The following SLFN13 variants were observed in gnomAD, a reference collection of about 807,000 sequenced individuals.
The protein encoded by SLFN13 is schlafen family member 13.
In SLFN13, 43 loss-of-function variants were observed where a neutral mutation model predicts 50.6. The ratio of observed to expected loss-of-function variants is 0.85; its 90% CI spans 0.67 to 1.09. The LOEUF is 1.09. Among genes scored for constraint, SLFN13 ranks in the 50% least tolerant of loss-of-function variants. The probability of loss-of-function intolerance (pLI) is 0.00; values close to 1 mark genes in which losing one functional copy is unlikely to be tolerated. For missense variants in SLFN13, 881 were observed against 1,071.1 expected (o/e 0.82, Z 2.48); for synonymous variants, 339 against 386.5 (o/e 0.88, Z 1.44).
intron 2 of SLFN13, chr17:35,447,039 G>C (rs952293784): frequency 2.0e-5 from 3 of 152,082 alleles, no homozygotes; most frequent in Non-Finnish European, 4.4e-5. Context: ...GTTTTTCATT[G>C]GTAACTGTAT....
In SLFN13 at chr17:35,437,167, T is replaced by G. The variant is rs1396241528; in HGVS notation, c.*3428A>C. On this transcript the variant is annotated 3_prime_UTR_variant, in exon 6 of 6. Transcript: ENST00000285013. ...GGACTCTGGGCACACTGACATTTAATAACTAATTTTAAACTTTTGATTGTT... is the reference window on the plus strand; with the variant it reads ...GGACTCTGGGCACACTGACATTTAAGAACTAATTTTAAACTTTTGATTGTT... 2.0e-5 allele frequency: 3 copies of G among 152,142 alleles called. No homozygotes were observed. Among genetic ancestry groups the G allele is most frequent in the Non-Finnish European group, 4.4e-5 (3 of 68,040 alleles). 9.4% of individuals were successfully genotyped at this position (152,142 alleles called of 1,614,324 possible). A position where few individuals can be genotyped will look rare whatever the true frequency, so the allele number is the denominator to read the frequency against.
intron 2 of SLFN13, among the ~76,000 whole-genome samples, chr17:35,446,536 A>G (rs545324150): frequency 2.3e-4 from 35 of 152,330 alleles, no homozygotes; most frequent in African/African-American, 7.9e-4. Flanking sequence ...TTACTATAAA[A>G]CATGGTGCAG....
rs539809635 is a variant in SLFN13 at position 35,440,561 on chromosome 17, G to A, written c.*34C>T. ...ACTGTCACCCATAGACATTTACACA[G>A]TATTTTGGTTTGGAGTTCTTCCTAA... is the stretch of plus-strand genomic sequence containing the variant. On this transcript the variant is annotated 3_prime_UTR_variant, in exon 6 of 6. Coordinates refer to ENST00000285013, the MANE Select transcript of SLFN13 (RefSeq NM_144682.6). 822 of 1,608,430 alleles carry A rather than the reference G, an allele frequency of 5.1e-4. 17 individuals carry two copies. The South Asian group carries it at 8.5e-3, about 17-fold the overall frequency.
chr17:35,442,170 C>T lies in SLFN13; in HGVS notation c.1315G>A (p.Val439Met), dbSNP rs757507429. 3.7e-6 allele frequency: 6 copies of T among 1,614,202 alleles called. No individual in the cohort carries two copies. Among genetic ancestry groups the T allele is most frequent in the South Asian group, 1.1e-5 (1 of 91,084 alleles). The stretch of plus-strand genomic sequence containing the variant: ...ACAGCCCAGCTTCTAGAGAGGATCA[C>T]AATTCCCTGGGAGAAAGGTCGCATT... Reference protein sequence around the residue: ...KQMRPFSQGIVILSRSWAVDL... With the variant: ...KQMRPFSQGIMILSRSWAVDL... The change falls in exon 5 of 6, where the codon GTG (valine) becomes ATG (methionine). Residue 439 changes from valine (V) to methionine (M), a missense_variant. Coordinates refer to ENST00000285013, the MANE Select transcript of SLFN13 (RefSeq NM_144682.6).
In SLFN13 at chr17:35,438,932, G is replaced by A. The variant is rs558349546; in HGVS notation, c.*1663C>T. 4.6e-5 allele frequency: 7 copies of A among 152,026 alleles called. No individual in the cohort carries two copies. Among genetic ancestry groups the A allele is most frequent in the Non-Finnish European group, 8.8e-5 (6 of 67,990 alleles). The allele number at this position is 152,026 out of a possible 1,614,324, so 9.4% of individuals were successfully genotyped here. A position where few individuals can be genotyped will look rare whatever the true frequency, so the allele number is the denominator to read the frequency against. ...TATCAGTGTTTTTAGTTTGATGAATGATCATACAGCTGTGTTCTCAGGCTG... is the reference window on the plus strand; with the variant it reads ...TATCAGTGTTTTTAGTTTGATGAATAATCATACAGCTGTGTTCTCAGGCTG... On this transcript the variant is annotated 3_prime_UTR_variant, in exon 6 of 6. Transcript: ENST00000285013.
Position 35,440,758 on chromosome 17 carries a change from A to G in SLFN13, c.2531T>C (p.Met844Thr), listed in dbSNP as rs1265804796. Residue 844 changes from methionine (M) to threonine (T), a missense_variant, in exon 6 of 6, where the codon ATG becomes ACG. By Grantham distance (81) the Met-to-Thr change is moderately conservative. This residue lies in a region of SLFN13 where 322 missense variants were observed against 327.4 expected (regional missense o/e 0.98). Transcript: ENST00000285013. ...GTCCAACACAATGTGCACACCCAACATATCACATGCATCACTGAGCTGCAC... is the reference window on the plus strand; with the variant it reads ...GTCCAACACAATGTGCACACCCAACGTATCACATGCATCACTGAGCTGCAC... The part of the protein sequence containing the change: ...MVVQLSDACD[M>T]LGVHIVLDSV... The G allele has an allele frequency of 2.0e-5, 32 of 1,613,904 alleles. No individual in the cohort carries two copies. Among genetic ancestry groups the G allele is most frequent in the Admixed American group, 3.3e-5 (2 of 59,984 alleles).
Position 35,440,933 on chromosome 17 carries a change from C to A in SLFN13, c.2356G>T (p.Glu786Ter). 1 of 1,613,836 alleles carries A rather than the reference C, an allele frequency of 6.2e-7. No individual in the cohort carries two copies. The highest frequency in any genetic ancestry group is 8.5e-7 in the Non-Finnish European group (1 of 1,180,016). ...TCTGCCACATAGGTCACTATTTGCT[C>A]CAAAGTAAAGTTTTTAATAATCTTT... is the stretch of plus-strand genomic sequence containing the variant. ...NTKIIKNFTLEQIVTYVADTC... is the reference protein window; with the variant it reads ...NTKIIKNFTL Residue 786 changes from glutamate to a stop codon, truncating the protein, a stop_gained, in exon 6 of 6, where the codon GAG becomes TAG. Transcript: ENST00000285013. LOFTEE classifies it low-confidence loss of function (END_TRUNC).
chr17:35,436,325 T>G lies in SLFN13; in HGVS notation c.*4270A>C, dbSNP rs893981073. On this transcript the variant is annotated 3_prime_UTR_variant, in exon 6 of 6. Coordinates refer to ENST00000285013, the MANE Select transcript of SLFN13 (RefSeq NM_144682.6). Reference sequence around the variant, plus strand: ...TTTTAATTCCAAAAGATATGAACATTTTTCTAGTTACCGTTTTATTACTAG... The same window carrying G: ...TTTTAATTCCAAAAGATATGAACATGTTTCTAGTTACCGTTTTATTACTAG... 73 of 152,262 alleles carry G rather than the reference T, an allele frequency of 4.8e-4. No homozygotes were observed. The highest frequency in any genetic ancestry group is 1.7e-3 in the African/African-American group (70 of 41,564). 9.4% of individuals were successfully genotyped at this position (152,262 alleles called of 1,614,324 possible).
chr17:35,441,436 T>C, intron 5 of SLFN13, 70 bp from the exon 6 acceptor site: 1 of 1,574,632 alleles, frequency 6.4e-7, no homozygotes, highest in Non-Finnish European at 8.6e-7. Flanking sequence ...TTGTATCATG[T>C]TCCTCCGAGC....
rs773745875 is a variant in SLFN13, at chr17:35,441,019, G to C, written c.2270C>G (p.Pro757Arg). 6.2e-7 allele frequency: 1 copy of C among 1,612,928 alleles called. No individual in the cohort carries two copies. Among genetic ancestry groups the C allele is most frequent in the Non-Finnish European group, 8.5e-7 (1 of 1,180,004 alleles). Reference sequence around the variant, plus strand: ...ACTGAGAATTGCCAGATACCCATGGGGGATATTAATTGGAGGATTTTCTAT... The same window carrying C: ...ACTGAGAATTGCCAGATACCCATGGCGGATATTAATTGGAGGATTTTCTAT... The part of the protein sequence containing the change: ...LIIENPPINI[P>R]HGYLAILSEA... The change falls in exon 6 of 6, where the codon CCC becomes CGC. Residue 757 changes from proline (P) to arginine (R), a missense_variant. Physicochemically the swap from Pro to Arg is moderately radical, Grantham distance 103. Coordinates refer to ENST00000285013, the MANE Select transcript of SLFN13 (RefSeq NM_144682.6).
intron 4 of SLFN13, among the ~76,000 whole-genome samples, chr17:35,443,468 C>A (rs1426807052): frequency 6.6e-6 from 1 of 152,172 alleles, no homozygotes; most frequent in African/African-American, 2.4e-5. Context: ...CCCAGCAGGG[C>A]ATCAGAATAA....
In SLFN13 at chr17:35,440,735, C is replaced by G; in HGVS notation, c.2554G>C (p.Asp852His). Residue 852 changes from aspartate (D) to histidine (H), a missense_variant, in exon 6 of 6, where the codon GAC becomes CAC. Physicochemically the swap from Asp to His is moderately conservative, Grantham distance 81. Transcript: ENST00000285013. Reference protein sequence around the residue: ...CDMLGVHIVLDSVRRFSGLER... With the variant: ...CDMLGVHIVLHSVRRFSGLER... ...AGGCCTGAGAATCGCCGGACACTGTCCAACACAATGTGCACACCCAACATA... is the reference window on the plus strand; with the variant it reads ...AGGCCTGAGAATCGCCGGACACTGTGCAACACAATGTGCACACCCAACATA... 1 of 1,614,146 alleles carries G rather than the reference C, an allele frequency of 6.2e-7. No individual in the cohort carries two copies. Among genetic ancestry groups the G allele is most frequent in the Non-Finnish European group, 8.5e-7 (1 of 1,180,032 alleles).
chr17:35,441,425 A>T, intron 5 of SLFN13, 59 bp from the exon 6 acceptor site: 1 of 1,571,984 alleles, frequency 6.4e-7, no homozygotes, highest in Non-Finnish European at 8.6e-7. Context: ...GGAGAAAATG[A>T]TTGTATCATG....
chr17:35,436,548 C>T lies in SLFN13; in HGVS notation c.*4047G>A, dbSNP rs1384579716. 6.6e-6 allele frequency: 1 copy of T among 151,942 alleles called. No individual in the cohort carries two copies. Among genetic ancestry groups the T allele is most frequent in the Non-Finnish European group, 1.5e-5 (1 of 67,998 alleles). The allele number at this position is 151,942 out of a possible 1,614,324, so 9.4% of individuals were successfully genotyped here. A position where few individuals can be genotyped will look rare whatever the true frequency, so the allele number is the denominator to read the frequency against. On this transcript the variant is annotated 3_prime_UTR_variant, in exon 6 of 6. Coordinates refer to ENST00000285013, the MANE Select transcript of SLFN13 (RefSeq NM_144682.6). ...AATTGTAACTGCACAGTAGGGAAAC[C>T]TGGCAGACGCCACTTTATCCAAATG...
At position 35,438,910 on chromosome 17, in the gene SLFN13, C is replaced by CA. The variant is rs1158820569; in HGVS notation, c.*1684dup. 6.6e-6 allele frequency: 1 copy of CA among 152,112 alleles called. No individual in the cohort carries two copies. The highest frequency in any genetic ancestry group is 2.4e-5 in the African/African-American group (1 of 41,434). The allele number at this position is 152,112 out of a possible 1,614,324, so 9.4% of individuals were successfully genotyped here. ...TAATTGCATTAGCATTGTTAAGTAT[C>CA]AGTGTTTTTAGTTTGATGAATGATC... On this transcript the variant is annotated 3_prime_UTR_variant, in exon 6 of 6. Coordinates refer to ENST00000285013, the MANE Select transcript of SLFN13 (RefSeq NM_144682.6).
rs745874801 is a variant in SLFN13 at position 35,444,788 on chromosome 17, A to AT, written c.892dup (p.Ile298AsnfsTer18). On this transcript the variant is annotated frameshift_variant, in exon 3 of 6. Coordinates refer to ENST00000285013, the MANE Select transcript of SLFN13 (RefSeq NM_144682.6). LOFTEE classifies it high-confidence loss of function. ...CTCTTTCCCACAAAACACTTCTACG[A>AT]TTTTGGTGCTGTACTCTACCCGAGG... is the stretch of plus-strand genomic sequence containing the variant. The AT allele has an allele frequency of 6.3e-5, 101 of 1,614,084 alleles. No homozygotes were observed. The highest frequency in any genetic ancestry group is 8.6e-5 in the Non-Finnish European group (101 of 1,180,040).
chr17:35,445,146 C>G lies in SLFN13; in HGVS notation c.535G>C (p.Val179Leu). 6.2e-7 allele frequency: 1 copy of G among 1,613,084 alleles called. No individual in the cohort carries two copies. The highest frequency in any genetic ancestry group is 8.5e-7 in the Non-Finnish European group (1 of 1,180,010). Reference protein sequence around the residue: ...GSPPSKIMKAVYQNISESNPA... With the variant: ...GSPPSKIMKALYQNISESNPA... Reference sequence around the variant, plus strand: ...TTTGACTCAGATATGTTCTGGTATACAGCTTTCATAATTTTACTAGGTGGA... The same window carrying G: ...TTTGACTCAGATATGTTCTGGTATAGAGCTTTCATAATTTTACTAGGTGGA... Residue 179 changes from valine (V) to leucine (L), a missense_variant, in exon 3 of 6, where the codon GTA becomes CTA. Around this residue, in one of 5 missense-constraint regions of SLFN13, gnomAD observed 497 missense variants for 518.3 expected, o/e 0.96. Transcript: ENST00000285013.
rs1913146532 is a variant in SLFN13, at chr17:35,445,280, AATG to A, written c.398_400del (p.Ser133del). ...CACAGAGGTGCCAGATCTACAGTAT[AATG>A]AAGAACTAAGGCTGCAAATGCGGGA... On this transcript the variant is annotated inframe_deletion, in exon 3 of 6. Transcript: ENST00000285013. The A allele has an allele frequency of 1.9e-6, 3 of 1,613,920 alleles. No homozygotes were observed. In the African/African-American group the frequency reaches 4.0e-5, roughly 22 times the overall value.
chr17:35,442,679 A>G (rs954515651), intron 4 of SLFN13, among the ~76,000 whole-genome samples: 1 of 152,030 alleles, frequency 6.6e-6, no homozygotes, highest in East Asian at 1.9e-4. Flanking sequence ...TCCTGACCTC[A>G]TGATCTGCCC....
Sources: gnomAD v4.1 joint callset for allele counts (sites outside exome capture counted in the v4.1 genomes callset) on GRCh38, gnomAD v4.1.1 for gene constraint, gnomAD v4.1.1 regional missense constraint, MANE v1.5 for transcripts, NCBI Gene and HGNC (gene_info 2026-07-23, HGNC 2026-07-21) for gene names.